The following MCM10 variants were observed in gnomAD, a reference collection of about 807,000 sequenced individuals.
MCM10 encodes minichromosome maintenance 10 replication initiation factor.
MCM10 carries 91 observed loss-of-function variants against 109.9 expected under a neutral mutation model. The observed-to-expected ratio is 0.83, with a 90% CI of 0.70 to 0.99. MCM10 has a LOEUF of 0.99. MCM10 is among the 50% of genes least tolerant of loss of function. The pLI, the probability that MCM10 is intolerant of heterozygous loss-of-function variation, is 0.00. For synonymous variants in MCM10, 380 were observed against 387.2 expected, an observed-to-expected ratio of 0.98 and a Z score of 0.22; for missense variants, 1,077 against 1,061.2, an observed-to-expected ratio of 1.01 and a Z score of -0.21.
At chr10:13,198,668 T>G (rs747386452) in intron 15 of MCM10, 21 bp from the exon 16 acceptor site, 2 of 1,526,358 alleles carry the variant, frequency 1.3e-6, no homozygotes, top group Admixed American at 3.3e-5. Context: ...TCGCTGCTAA[T>G]GTTTGTTCCT....
At chr10:13,165,210 T>C (rs1025654929) in intron 2 of MCM10, among the ~76,000 whole-genome samples, 2 of 152,104 alleles carry the variant, frequency 1.3e-5, no homozygotes, top group African/African-American at 2.4e-5. Context: ...TGAACAACAA[T>C]AATAAAATGG....
intron 8 of MCM10, among the ~76,000 whole-genome samples, chr10:13,184,982 C>T (rs1834255655): frequency 6.6e-6 from 1 of 152,214 alleles, no homozygotes; most frequent in African/African-American, 2.4e-5. Context: ...ACAAACCCAG[C>T]TGCCAGTGGT....
chr10:13,163,741 G>T (rs1302245954), intron 1 of MCM10, among the ~76,000 whole-genome samples: 1 of 152,142 alleles, frequency 6.6e-6, no homozygotes, highest in Non-Finnish European at 1.5e-5. Context: ...TATGTGACCA[G>T]GCTGGTCTCA....
At position 13,192,637 on chromosome 10, in the gene MCM10, C is replaced by T. The variant is rs908625785; in HGVS notation, c.1745+69C>T. The T allele has an allele frequency of 5.0e-6, 7 of 1,388,392 alleles. No homozygotes were observed. In the Admixed American group the frequency reaches 5.5e-5, roughly 11 times the overall value. The allele number at this position is 1,388,392 out of a possible 1,614,324, so 86.0% of individuals were successfully genotyped here. A position where few individuals can be genotyped will look rare whatever the true frequency, so the allele number is the denominator to read the frequency against. On this transcript the variant is annotated intron_variant, in intron 13 of 19. Coordinates refer to ENST00000378714, the MANE Select transcript of MCM10 (RefSeq NM_018518.5). The stretch of plus-strand genomic sequence containing the variant: ...TCAGGCGTCCTCAGAACGTCTTCAT[C>T]GATTTCCAGAATGTGACTTCAGGTT...
At chr10:13,161,802 T>C (rs954364137) in intron 1 of MCM10, among the ~76,000 whole-genome samples, 196 bp downstream of exon 1, 11 of 152,144 alleles carry the variant, frequency 7.2e-5, no homozygotes, top group Non-Finnish European at 1.5e-4. Context: ...GGGCTGGGAG[T>C]TGCTGGCCGT....
intron 7 of MCM10, among the ~76,000 whole-genome samples, chr10:13,181,104 G>A (rs1834203892): frequency 1.3e-5 from 2 of 152,174 alleles, no homozygotes; most frequent in Admixed American, 6.5e-5. Context: ...GTCATAAATG[G>A]GAAAGTTATT....
chr10:13,189,384 G>A (rs2131577296), intron 10 of MCM10, among the ~76,000 whole-genome samples: 1 of 151,162 alleles, frequency 6.6e-6, no homozygotes, highest in Non-Finnish European at 1.5e-5. Flanking sequence ...GTGCAGTGGT[G>A]CAGTCTCAGC....
At chr10:13,204,727 C>A (rs78441521) in intron 18 of MCM10, among the ~76,000 whole-genome samples, 3,778 of 152,062 alleles carry the variant, frequency 0.025, 89 homozygotes, top group Non-Finnish European at 0.032. Flanking sequence ...TTTTAAATGT[C>A]TTTAGCTTGT....
In MCM10 at chr10:13,186,198, T is replaced by G. The variant is rs749088342; in HGVS notation, c.1133T>G (p.Leu378Ter). 3.7e-6 allele frequency: 6 copies of G among 1,613,036 alleles called. No homozygotes were observed. Among genetic ancestry groups the G allele is most frequent in the Non-Finnish European group, 5.1e-6 (6 of 1,179,218 alleles). Residue 378 changes from leucine to a stop codon, truncating the protein, a stop_gained, in exon 9 of 20, where the codon TTA (leucine) becomes TGA (stop). Transcript: ENST00000378714. LOFTEE classifies it high-confidence loss of function. Reference protein sequence around the residue: ...CLSIDHPQKVLIMGEALDLGT... With the variant: ...CLSIDHPQKV ...TCTATCGATCATCCTCAGAAGGTCT[T>G]AATTATGGGTGAAGCTCTTGACCTG...
intron 18 of MCM10, among the ~76,000 whole-genome samples, chr10:13,208,019 A>T (rs1211094197): frequency 1.3e-5 from 2 of 151,278 alleles, no homozygotes; most frequent in African/African-American, 2.4e-5. Context: ...AGTAAACTTC[A>T]TAGGAAATAA....
At chr10:13,177,984 G>A (rs1261534667) in intron 6 of MCM10, among the ~76,000 whole-genome samples, 2 of 152,088 alleles carry the variant, frequency 1.3e-5, no homozygotes, top group African/African-American at 2.4e-5. Context: ...TTTTGCTTTG[G>A]TTACCTGTGC....
At chr10:13,173,400 T>A (rs1037470877) in intron 5 of MCM10, among the ~76,000 whole-genome samples, 1 of 152,170 alleles carries the variant, frequency 6.6e-6, no homozygotes, top group African/African-American at 2.4e-5. Context: ...TCGTATCAAA[T>A]CAAAAGGGCT....
At chr10:13,169,653 C>A (rs1009244199) in intron 2 of MCM10, among the ~76,000 whole-genome samples, 2 of 152,174 alleles carry the variant, frequency 1.3e-5, no homozygotes, top group African/African-American at 4.8e-5. Flanking sequence ...GTGATACAGT[C>A]TTATTATAGG....
chr10:13,175,830 T>C, intron 6 of MCM10, 149 bp downstream of exon 6: 1 of 585,890 alleles, frequency 1.7e-6, no homozygotes, highest in Non-Finnish European at 3.0e-6. Context: ...AGACTAGCAG[T>C]AGCCCTAGGT....
intron 2 of MCM10, among the ~76,000 whole-genome samples, chr10:13,166,213 G>C (rs2131553098): frequency 6.6e-6 from 1 of 152,228 alleles, no homozygotes; most frequent in Middle Eastern, 3.4e-3. Context: ...CCCAATGTAA[G>C]AATGTAAGTG....
intron 2 of MCM10, among the ~76,000 whole-genome samples, chr10:13,166,635 CAA>C (rs1252182951): frequency 1.3e-3 from 64 of 47,554 alleles, no homozygotes; most frequent in African/African-American, 4.6e-3. Context: ...AACTCTGTCT[CAA>C]AAAAAAAAAA....
intron 9 of MCM10, among the ~76,000 whole-genome samples, chr10:13,186,956 T>C (rs1005063566): frequency 6.6e-5 from 10 of 152,180 alleles, no homozygotes; most frequent in African/African-American, 2.4e-4. Context: ...CGCACTATTA[T>C]ACTCCAGCCT....
chr10:13,179,114 G>T (rs1236186209), intron 6 of MCM10, among the ~76,000 whole-genome samples: 2 of 152,122 alleles, frequency 1.3e-5, no homozygotes, highest in Admixed American at 6.6e-5. Flanking sequence ...GAGTCTTCAG[G>T]TTTTTCCAAA....
In MCM10 at chr10:13,195,793, T is replaced by G. The variant is rs180931099; in HGVS notation, c.1974+524T>G. ...GCCCGGCTAATTTTTAGTAGAGACA[T>G]GGTTTCACCATGTTGGCCAGGCTGG... On this transcript the variant is annotated intron_variant, in intron 14 of 19. Transcript: ENST00000378714. Among the ~76,000 whole-genome samples, 535 of 151,576 alleles carry G rather than the reference T, an allele frequency of 3.5e-3. 2 individuals are homozygous for G. The highest frequency in any genetic ancestry group is 0.012 in the African/African-American group (506 of 41,342).
Sources: allele counts gnomAD v4.1 joint callset (sites outside exome capture counted in the v4.1 genomes callset), GRCh38; gene constraint gnomAD v4.1.1; transcripts MANE v1.5; gene names NCBI Gene and HGNC (gene_info 2026-07-23, HGNC 2026-07-21).